The following CUX1 variants were observed in gnomAD, a reference collection of about 807,000 sequenced individuals.
CUX1 encodes the protein cut like homeobox 1, also known as protein CASP.
CUX1 carries 31 observed loss-of-function variants against 158.8 expected under a neutral mutation model. That is an observed-to-expected ratio of 0.20 (90% CI 0.15 to 0.26). The LOEUF (loss-of-function observed/expected upper bound fraction) is 0.26. Ranked by LOEUF, CUX1 falls within the 10% of genes least tolerant of loss-of-function variation. The pLI, the probability that CUX1 is intolerant of heterozygous loss-of-function variation, is 1.00. For missense variants in CUX1, 1,589 were observed against 2,014.6 expected, an observed-to-expected ratio of 0.79 and a Z score of 4.04; for synonymous variants, 879 against 862.1, an observed-to-expected ratio of 1.02 and a Z score of -0.34.
At position 102,248,820 on chromosome 7, in the gene CUX1, C is replaced by T. The variant is rs782233630; in HGVS notation, c.4296C>T (p.Pro1432=). The change falls in exon 24 of 24, where the codon CCC becomes CCT. Residue 1432 remains proline, a synonymous_variant. Coordinates refer to ENST00000292535, the MANE Select transcript of CUX1 (RefSeq NM_181552.4). This position sits in a 1 kb window ranked among gnomAD's most constrained non-coding sequence, Gnocchi z 5.8. ...CCGCCGCCGCGCCGGGGGAGGGCCC[C>T]GCGGCCCCGAGCTCCGCGCCGCCGC... The part of the protein sequence containing the change: ...TSAAAAPGEG[P]AAPSSAPPPS... 5 of 1,143,976 alleles carry T rather than the reference C, an allele frequency of 4.4e-6. No homozygotes were observed. Among genetic ancestry groups the T allele is most frequent in the Admixed American group, 9.9e-5 (2 of 20,164 alleles). The allele number at this position is 1,143,976 out of a possible 1,614,324, so 70.9% of individuals were successfully genotyped here. A position where few individuals can be genotyped will look rare whatever the true frequency, so the allele number is the denominator to read the frequency against.
At chr7:102,159,330 C>T (rs948719126) in intron 9 of CUX1, among the ~76,000 whole-genome samples, 3 of 152,336 alleles carry the variant, frequency 2.0e-5, no homozygotes, top group Admixed American at 6.5e-5. Flanking sequence ...TCTCAGCTGA[C>T]GGCCCCTTTT....
intron 2 of CUX1, among the ~76,000 whole-genome samples, chr7:101,956,758 A>G (rs1170785616): frequency 6.6e-6 from 1 of 152,212 alleles, no homozygotes; most frequent in East Asian, 1.9e-4. Flanking sequence ...GACCAGCCAG[A>G]GCAACATAGC....
At chr7:102,277,938 TCCC>T in intron 17 of CUX1, 4 of 410,404 alleles carry the variant, frequency 9.7e-6, no homozygotes, top group African/African-American at 3.7e-5. Flanking sequence ...TCCTTGCCCC[TCCC>T]CCCCCAGGAG....
rs548492355 is a variant in CUX1 at position 101,879,641 on chromosome 7, T to A, written c.31-36474T>A. Among the ~76,000 whole-genome samples the A allele has an allele frequency of 4.6e-5, 7 of 152,134 alleles. No homozygotes were observed. In the East Asian group the frequency reaches 1.4e-3, roughly 29 times the overall value. On this transcript the variant is annotated intron_variant, in intron 1 of 23. Coordinates refer to ENST00000292535, the MANE Select transcript of CUX1 (RefSeq NM_181552.4). Reference sequence around the variant, plus strand: ...CAGTGTGGTGTGACCCCCCTGACAGTGGGCTCTCCCGGCTGGCCCAGTTGA... The same window carrying A: ...CAGTGTGGTGTGACCCCCCTGACAGAGGGCTCTCCCGGCTGGCCCAGTTGA...
At chr7:102,170,975 T>A (rs1791655011) in intron 10 of CUX1, among the ~76,000 whole-genome samples, 1 of 137,360 alleles carries the variant, frequency 7.3e-6, no homozygotes. Flanking sequence ...GCTGGGAGGG[T>A]AGGGGTGGGC....
intron 8 of CUX1, among the ~76,000 whole-genome samples, chr7:102,120,472 C>G (rs1207174475): frequency 6.6e-6 from 1 of 152,164 alleles, no homozygotes; most frequent in Non-Finnish European, 1.5e-5. Context: ...ATTCGTATTT[C>G]TTAAGGTTAC....
At chr7:101,908,342 C>T (rs1400341614) in intron 1 of CUX1, among the ~76,000 whole-genome samples, 2 of 152,328 alleles carry the variant, frequency 1.3e-5, no homozygotes, top group South Asian at 4.1e-4. Context: ...GACAGGGTTT[C>T]GCCATATTGG....
chr7:101,843,117 C>A (rs756472849), intron 1 of CUX1, among the ~76,000 whole-genome samples: 1 of 152,102 alleles, frequency 6.6e-6, no homozygotes, highest in Non-Finnish European at 1.5e-5. Context: ...CCGCCCATCT[C>A]AGCCTCCCAA....
intron 8 of CUX1, among the ~76,000 whole-genome samples, chr7:102,150,020 C>A (rs1454952560): frequency 1.3e-5 from 2 of 152,182 alleles, no homozygotes; most frequent in South Asian, 4.1e-4. Context: ...GGGGAGAGTT[C>A]GCTTGATCAA....
downstream of CUX1, among the ~76,000 whole-genome samples, chr7:102,262,882 G>C (rs1790511265): frequency 6.6e-6 from 1 of 152,168 alleles, no homozygotes; most frequent in African/African-American, 2.4e-5. Context: ...TTATTACAGG[G>C]CAAACCAGGA....
At chr7:101,973,570 C>T (rs569723506) in intron 2 of CUX1, among the ~76,000 whole-genome samples, 5 of 151,958 alleles carry the variant, frequency 3.3e-5, no homozygotes, top group African/African-American at 7.3e-5. Flanking sequence ...AATTAATTTG[C>T]GCCAAATGAA....
intron 1 of CUX1, among the ~76,000 whole-genome samples, chr7:101,831,764 C>A (rs1447742329): frequency 2.4e-5 from 2 of 83,392 alleles, no homozygotes; most frequent in Non-Finnish European, 4.9e-5. Context: ...TATTTAGAGA[C>A]AGAGTCTCGC....
intron 6 of CUX1, among the ~76,000 whole-genome samples, chr7:102,109,533 C>T (rs891644185): frequency 7.2e-5 from 11 of 152,158 alleles, no homozygotes; most frequent in Non-Finnish European, 1.5e-4. Context: ...CCTGCAATTT[C>T]AGCACTTTGG....
intron 11 of CUX1, among the ~76,000 whole-genome samples, chr7:102,182,845 G>T (rs1044216838): frequency 6.6e-6 from 1 of 152,218 alleles, no homozygotes; most frequent in African/African-American, 2.4e-5. Flanking sequence ...CAATAGCTTC[G>T]ATTTAAAATA....
chr7:101,964,722 C>G (rs1161077377), intron 2 of CUX1, among the ~76,000 whole-genome samples: 30 of 152,192 alleles, frequency 2.0e-4, no homozygotes, highest in Admixed American at 1.9e-3. Flanking sequence ...TCCCCAGCAA[C>G]CAGAATATTA....
chr7:101,994,515 C>T (rs1258981917), intron 2 of CUX1, among the ~76,000 whole-genome samples: 5 of 152,126 alleles, frequency 3.3e-5, no homozygotes, highest in East Asian at 1.9e-4. Flanking sequence ...GCAGGAGAAT[C>T]GCTTAAACCC....
chr7:102,035,588 C>T (rs1414914867), intron 3 of CUX1, among the ~76,000 whole-genome samples: 1 of 148,660 alleles, frequency 6.7e-6, no homozygotes, highest in South Asian at 2.2e-4. Flanking sequence ...TAATTATATA[C>T]CCCTGTATCA....
intron 2 of CUX1, among the ~76,000 whole-genome samples, chr7:101,975,248 C>G (rs1274366459): frequency 6.7e-6 from 1 of 149,248 alleles, no homozygotes; most frequent in East Asian, 2.0e-4. Flanking sequence ...AAGACTCTGT[C>G]TCAAAAGGAA....
intron 8 of CUX1, among the ~76,000 whole-genome samples, chr7:102,144,667 T>C (rs1225951727): frequency 1.6e-5 from 1 of 62,942 alleles, no homozygotes; most frequent in Non-Finnish European, 3.0e-5. Flanking sequence ...CAAGACCCTG[T>C]CTCAAAAAAA....
Sources: gnomAD v4.1 joint callset for allele counts (sites outside exome capture counted in the v4.1 genomes callset) on GRCh38, gnomAD v4.1.1 for gene constraint, Gnocchi (gnomAD v3.1) non-coding constraint, MANE v1.5 for transcripts, NCBI Gene and HGNC (gene_info 2026-07-23, HGNC 2026-07-21) for gene names.